The following MED12L variants were observed in gnomAD, a reference collection of about 807,000 sequenced individuals.
MED12L encodes the protein mediator of RNA polymerase II transcription subunit 12-like protein.
MED12L carries 60 observed loss-of-function variants against 281.3 expected under a neutral mutation model. That is an observed-to-expected ratio of 0.21 (90% CI 0.17 to 0.26). The LOEUF (loss-of-function observed/expected upper bound fraction) is 0.26. MED12L is among the 10% of genes least tolerant of loss of function. The pLI is 1.00. For missense variants in MED12L, 2,146 were observed against 2,680.9 expected (o/e 0.80, Z 4.41); for synonymous variants, 974 against 987.2 (o/e 0.99, Z 0.25).
intron 9 of MED12L, 55 bp from the exon 10 acceptor site, chr3:151,165,365 A>G (rs536150808): frequency 5.6e-5 from 78 of 1,393,666 alleles, no homozygotes; most frequent in Non-Finnish European, 7.5e-5. Context: ...GACATGATTT[A>G]GACATGCGCT....
intron 16 of MED12L, among the ~76,000 whole-genome samples, chr3:151,293,379 G>A (rs551714982): frequency 2.6e-5 from 4 of 152,232 alleles, no homozygotes; most frequent in Non-Finnish European, 5.9e-5. Flanking sequence ...CGTCTCCCAC[G>A]AGGCATTTAC....
chr3:151,247,220 C>G (rs1171104802), intron 16 of MED12L, among the ~76,000 whole-genome samples: 1 of 152,036 alleles, frequency 6.6e-6, no homozygotes, highest in South Asian at 2.1e-4. Context: ...CCTCAGGGAT[C>G]TAGAACTGGA....
At chr3:151,239,227 C>T (rs1299505815) in intron 16 of MED12L, among the ~76,000 whole-genome samples, 1 of 152,152 alleles carries the variant, frequency 6.6e-6, no homozygotes, top group East Asian at 1.9e-4. Flanking sequence ...AAGTAAAACA[C>T]ATAGACTTAA....
chr3:151,356,532 A>G (rs1333538421), intron 19 of MED12L, among the ~76,000 whole-genome samples: 1 of 152,242 alleles, frequency 6.6e-6, no homozygotes, highest in African/African-American at 2.4e-5. Context: ...CATTTTATTT[A>G]AAGTTGTGTT....
intron 16 of MED12L, among the ~76,000 whole-genome samples, chr3:151,194,980 T>C (rs148780148): frequency 1.6e-4 from 24 of 152,190 alleles, no homozygotes; most frequent in African/African-American, 3.9e-4. Flanking sequence ...CTGGCTAACA[T>C]GGTGAAACCC....
intron 2 of MED12L, among the ~76,000 whole-genome samples, chr3:151,098,485 T>C (rs1373845213): frequency 3.3e-5 from 5 of 152,230 alleles, no homozygotes; most frequent in South Asian, 2.1e-4. Flanking sequence ...AGGAGGAGAC[T>C]TCTTCCTTGC....
chr3:151,188,169 G>C (rs1251060710), intron 12 of MED12L, 185 bp from the exon 13 acceptor site: 1 of 427,986 alleles, frequency 2.3e-6, no homozygotes, highest in African/African-American at 2.0e-5. Flanking sequence ...GTCGGGCCTG[G>C]TTAGTACTTG....
intron 19 of MED12L, among the ~76,000 whole-genome samples, chr3:151,356,961 C>T (rs1754005702): frequency 6.6e-6 from 1 of 152,018 alleles, no homozygotes; most frequent in South Asian, 2.1e-4. Context: ...TTATACAGTC[C>T]AGGACCTTGC....
At chr3:151,394,916 C>T in intron 39 of MED12L, 49 bp downstream of exon 39, 7 of 1,609,106 alleles carry the variant, frequency 4.4e-6, no homozygotes, top group Non-Finnish European at 5.9e-6. Context: ...ATTACCTCTG[C>T]TAGCTTGGGA....
chr3:151,256,815 G>GT (rs56702829), intron 16 of MED12L, among the ~76,000 whole-genome samples: 37,536 of 118,332 alleles, frequency 0.32, 5,283 homozygotes, highest in Non-Finnish European at 0.36. Flanking sequence ...AATCCAGTCT[G>GT]TTTTTTTTTT....
intron 5 of MED12L, among the ~76,000 whole-genome samples, chr3:151,155,427 A>G (rs928464152): frequency 2.0e-5 from 3 of 152,144 alleles, no homozygotes; most frequent in Non-Finnish European, 4.4e-5. Flanking sequence ...CCTTTCCAGT[A>G]TCCCACTGTT....
intron 16 of MED12L, among the ~76,000 whole-genome samples, chr3:151,195,472 T>C (rs193093668): frequency 6.6e-6 from 1 of 152,292 alleles, no homozygotes; most frequent in East Asian, 1.9e-4. Flanking sequence ...TGTCCAGGGA[T>C]ATGTCAAAAC....
intron 2 of MED12L, among the ~76,000 whole-genome samples, chr3:151,097,027 A>G (rs1457217386): frequency 6.6e-6 from 1 of 152,100 alleles, no homozygotes; most frequent in Non-Finnish European, 1.5e-5. Context: ...AAGCTCATGC[A>G]TTTTTGTCAT....
intron 16 of MED12L, chr3:151,213,496 C>T (rs567130380): frequency 2.7e-5 from 44 of 1,614,074 alleles, no homozygotes; most frequent in Admixed American, 1.5e-4. Flanking sequence ...TTTCATATAC[C>T]GCAAGATTTC....
intron 16 of MED12L, among the ~76,000 whole-genome samples, chr3:151,349,851 A>G (rs1030849079): frequency 7.5e-6 from 1 of 133,942 alleles, no homozygotes; most frequent in African/African-American, 2.7e-5. Flanking sequence ...GTCAGTTGAC[A>G]CTTTTTTTTT....
At chr3:151,405,012 A>G (rs1716127345) in intron 39 of MED12L, among the ~76,000 whole-genome samples, 2 of 152,220 alleles carry the variant, frequency 1.3e-5, no homozygotes, top group South Asian at 4.1e-4. Context: ...GGATGCATTC[A>G]TTTCAAATTA....
At chr3:151,315,156 A>C (rs141666951) in intron 16 of MED12L, among the ~76,000 whole-genome samples, 116 of 152,246 alleles carry the variant, frequency 7.6e-4, no homozygotes, top group Non-Finnish European at 1.3e-3. Context: ...ACAAGGAACT[A>C]ATGGCCATTG....
intron 5 of MED12L, among the ~76,000 whole-genome samples, chr3:151,149,494 A>C (rs1213718376): frequency 1.3e-5 from 2 of 152,198 alleles, no homozygotes; most frequent in Non-Finnish European, 2.9e-5. Flanking sequence ...CTGAGCCTTC[A>C]CTGAGTTGTA....
chr3:151,279,370 T>C (rs2149604491), intron 16 of MED12L, among the ~76,000 whole-genome samples: 1 of 152,332 alleles, frequency 6.6e-6, no homozygotes, highest in Admixed American at 6.5e-5. Context: ...ATGTACTTGC[T>C]ACGTAGGAGG....
Sources: gnomAD v4.1 joint callset for allele counts (sites outside exome capture counted in the v4.1 genomes callset) on GRCh38, gnomAD v4.1.1 for gene constraint, MANE v1.5 for transcripts, NCBI Gene and HGNC (gene_info 2026-07-23, HGNC 2026-07-21) for gene names.